LDAH: variants seen among roughly 807,000 people sequenced by gnomAD.
The protein encoded by LDAH is lipid droplet associated hydrolase.
In LDAH, 26 loss-of-function variants were observed where a neutral mutation model predicts 29.6. That is an observed-to-expected ratio of 0.88 (90% CI 0.64 to 1.22). The LOEUF is 1.22. Among genes scored for constraint, LDAH ranks in the 50% most tolerant of loss-of-function variants. The pLI is 0.00. For missense variants in LDAH, 344 were observed against 387.3 expected (o/e 0.89, Z 0.94); for synonymous variants, 117 against 133.0 (o/e 0.88, Z 0.83).
At chr2:20,756,224 G>A (rs572917243) in intron 4 of LDAH, among the ~76,000 whole-genome samples, 96 of 152,002 alleles carry the variant, frequency 6.3e-4, no homozygotes, top group African/African-American at 2.1e-3. Flanking sequence ...TAGTAGAGAC[G>A]GGGTTTCACC....
At chr2:20,766,710 C>T (rs1669062460) in intron 4 of LDAH, among the ~76,000 whole-genome samples, 1 of 152,232 alleles carries the variant, frequency 6.6e-6, no homozygotes. Flanking sequence ...CTGCCTCTTT[C>T]TGTGACTTCC....
downstream of LDAH, among the ~76,000 whole-genome samples, chr2:20,682,553 C>A (rs1469390625): frequency 6.6e-6 from 1 of 152,200 alleles, no homozygotes; most frequent in Non-Finnish European, 1.5e-5. Flanking sequence ...GATTGAGGGG[C>A]TGGCATCTGG....
intron 6 of LDAH, among the ~76,000 whole-genome samples, chr2:20,695,499 C>A (rs1159200829): frequency 2.7e-5 from 4 of 149,894 alleles, no homozygotes; most frequent in African/African-American, 9.9e-5. Flanking sequence ...GTTGCCCAGG[C>A]TGGAGTGCAG....
rs895639572 is a variant in LDAH at position 20,684,863 on chromosome 2, T to A, written c.*2040A>T. The A allele has an allele frequency of 1.3e-5, 20 of 1,545,594 alleles. No homozygotes were observed. Among genetic ancestry groups the A allele is most frequent in the Non-Finnish European group, 1.7e-5 (19 of 1,144,790 alleles). On this transcript the variant is annotated 3_prime_UTR_variant, in exon 7 of 7. Transcript: ENST00000237822. The stretch of plus-strand genomic sequence containing the variant: ...TGGATTTCTTCCACTGTTTGTCCAT[T>A]TTAGTCTAATCCCTAATGAAACAGA...
At chr2:20,777,524 A>G (rs1669905495) in intron 3 of LDAH, among the ~76,000 whole-genome samples, 1 of 152,100 alleles carries the variant, frequency 6.6e-6, no homozygotes, top group Non-Finnish European at 1.5e-5. Flanking sequence ...TCCCGGGTTC[A>G]AGCAATTCTC....
intron 4 of LDAH, among the ~76,000 whole-genome samples, chr2:20,768,501 G>A (rs1018287125): frequency 6.6e-6 from 1 of 152,084 alleles, no homozygotes. Context: ...CTGTGCAGTG[G>A]CTGGACCCCA....
rs372725660 is a variant in LDAH at position 20,699,173 on chromosome 2, T to C, written c.786+2397A>G. Among the ~76,000 whole-genome samples, 226 of 152,340 alleles carry C rather than the reference T, an allele frequency of 1.5e-3. 4 individuals carry two copies. The South Asian group carries it at 0.043, about 29-fold the overall frequency. On this transcript the variant is annotated intron_variant, in intron 6 of 6. Transcript: ENST00000237822. ...TGATTTTTCAACAAAATGTGTGGCT[T>C]GATGACTATTCACACTGGACAGTCC...
At chr2:20,717,518 GAA>G (rs1665307461) in intron 5 of LDAH, among the ~76,000 whole-genome samples, 2 of 152,130 alleles carry the variant, frequency 1.3e-5, no homozygotes, top group African/African-American at 4.8e-5. Flanking sequence ...TCAAAAATCT[GAA>G]ACTCTTCCAA....
intron 1 of LDAH, among the ~76,000 whole-genome samples, chr2:20,804,606 C>T (rs1671940038): frequency 6.6e-6 from 1 of 152,086 alleles, no homozygotes; most frequent in Admixed American, 6.6e-5. Flanking sequence ...ATAATTTATG[C>T]ATTTCTTTTC....
chr2:20,683,615 G>A (rs1662374758), downstream of LDAH, among the ~76,000 whole-genome samples: 1 of 152,234 alleles, frequency 6.6e-6, no homozygotes, highest in African/African-American at 2.4e-5. Context: ...TGAGCCAGGT[G>A]AGCAAGTGTT....
At chr2:20,792,280 TAG>T (rs1671016919) in intron 2 of LDAH, among the ~76,000 whole-genome samples, 1 of 152,158 alleles carries the variant, frequency 6.6e-6, no homozygotes, top group Non-Finnish European at 1.5e-5. Context: ...CTAATATTTT[TAG>T]GTACTATAAC....
At chr2:20,704,945 C>T (rs974698439) in intron 5 of LDAH, among the ~76,000 whole-genome samples, 4 of 152,212 alleles carry the variant, frequency 2.6e-5, no homozygotes, top group Non-Finnish European at 4.4e-5. Flanking sequence ...GGACGGGTTG[C>T]TCTCCAGGCC....
intron 1 of LDAH, among the ~76,000 whole-genome samples, chr2:20,818,571 T>A (rs540144082): frequency 1.0e-3 from 122 of 117,020 alleles, no homozygotes; most frequent in African/African-American, 4.5e-3. Context: ...AAACTACTGC[T>A]TTTTTTTTTT....
intron 6 of LDAH, among the ~76,000 whole-genome samples, chr2:20,687,749 C>T (rs2149322388): frequency 6.6e-6 from 1 of 152,316 alleles, no homozygotes; most frequent in South Asian, 2.1e-4. Context: ...GGATATCTAC[C>T]TAAACCTGCA....
chr2:20,799,349 A>AT (rs1002743710), intron 2 of LDAH, among the ~76,000 whole-genome samples: 2 of 152,120 alleles, frequency 1.3e-5, no homozygotes, highest in East Asian at 1.9e-4. Context: ...GTTATTATTT[A>AT]TTTTTTTTAA....
In LDAH at chr2:20,712,015, G is replaced by A. The variant is rs552246030; in HGVS notation, c.704-10363C>T. Among the ~76,000 whole-genome samples, 442 of 152,360 alleles carry A rather than the reference G, an allele frequency of 2.9e-3. 3 individuals carry two copies. Among genetic ancestry groups the A allele is most frequent in the African/African-American group, 0.01 (416 of 41,580 alleles). ...CAGACTTAAATGTTCCTGTCTGACA[G>A]CTCTGAAGACAGCAGTGGTTCTCCC... On this transcript the variant is annotated intron_variant, in intron 5 of 6. Coordinates refer to ENST00000237822, the MANE Select transcript of LDAH (RefSeq NM_021925.4).
chr2:20,771,792 CTTACACCCT>C (rs1558462971), intron 4 of LDAH, among the ~76,000 whole-genome samples: 3 of 15,582 alleles, frequency 1.9e-4, no homozygotes, highest in Non-Finnish European at 2.0e-3. Flanking sequence ...TATTTTCTAG[CTTACACCCT>C]TTGGACAATT....
At chr2:20,801,139 A>AAAAC (rs1301979396) in intron 2 of LDAH, among the ~76,000 whole-genome samples, 171 bp downstream of exon 2, 8 of 152,130 alleles carry the variant, frequency 5.3e-5, no homozygotes, top group Non-Finnish European at 1.0e-4. Context: ...ACATAGAAGA[A>AAAAC]AAACACAAAA....
chr2:20,686,655 C>G lies in LDAH; in HGVS notation c.*248G>C, dbSNP rs1662574879. On this transcript the variant is annotated 3_prime_UTR_variant, in exon 7 of 7. Transcript: ENST00000237822. Reference sequence around the variant, plus strand: ...GGTGCCACTGGGCATCTTGTGCAAACACAAGACTCTGTGTAGATCACTGTG... The same window carrying G: ...GGTGCCACTGGGCATCTTGTGCAAAGACAAGACTCTGTGTAGATCACTGTG... 3.4e-6 allele frequency: 1 copy of G among 298,330 alleles called. No individual in the cohort carries two copies. The highest frequency in any genetic ancestry group is 1.1e-4 in the South Asian group (1 of 8,728). 18.5% of individuals were successfully genotyped at this position (298,330 alleles called of 1,614,324 possible).
Sources: gnomAD v4.1 joint callset for allele counts (sites outside exome capture counted in the v4.1 genomes callset) on GRCh38, gnomAD v4.1.1 for gene constraint, MANE v1.5 for transcripts, NCBI Gene and HGNC (gene_info 2026-07-23, HGNC 2026-07-21) for gene names.